The following LDB2 variants were observed in gnomAD, a reference collection of about 807,000 sequenced individuals.
LDB2 encodes LIM domain-binding protein 2.
A neutral mutation model predicts 44.3 loss-of-function variants in LDB2; 12 were observed. The observed-to-expected ratio is 0.27, with a 90% CI of 0.17 to 0.44. The LOEUF (loss-of-function observed/expected upper bound fraction) is 0.44. Ranked by LOEUF, LDB2 falls within the 20% of genes least tolerant of loss-of-function variation. The pLI, the probability that LDB2 is intolerant of heterozygous loss-of-function variation, is 1.00. For missense variants in LDB2, 344 were observed against 473.5 expected, an observed-to-expected ratio of 0.73 and a Z score of 2.54; for synonymous variants, 164 against 174.8, an observed-to-expected ratio of 0.94 and a Z score of 0.49.
chr4:16,799,784 C>T (rs2109729523), intron 1 of LDB2, among the ~76,000 whole-genome samples: 1 of 152,242 alleles, frequency 6.6e-6, no homozygotes, highest in East Asian at 1.9e-4. Context: ...ACAGGATGCT[C>T]AGTTAAATTG....
At chr4:16,623,765 T>TAA (rs778949376) in intron 2 of LDB2, among the ~76,000 whole-genome samples, 1 of 146,806 alleles carries the variant, frequency 6.8e-6, no homozygotes, top group African/African-American at 2.5e-5. Flanking sequence ...GAAATATACA[T>TAA]ACACACACAC....
At chr4:16,534,323 T>G (rs758460747) in intron 5 of LDB2, among the ~76,000 whole-genome samples, 1 of 152,218 alleles carries the variant, frequency 6.6e-6, no homozygotes, top group Non-Finnish European at 1.5e-5. Context: ...GATACTTTTA[T>G]GTTGATGAAC....
intron 1 of LDB2, among the ~76,000 whole-genome samples, chr4:16,858,133 T>C (rs1403565786): frequency 6.6e-6 from 1 of 152,156 alleles, no homozygotes; most frequent in Non-Finnish European, 1.5e-5. Context: ...CTCACACAAT[T>C]CTAGTAACAA....
chr4:16,579,710 C>T (rs904695974), intron 5 of LDB2, among the ~76,000 whole-genome samples: 5 of 152,032 alleles, frequency 3.3e-5, no homozygotes, highest in Non-Finnish European at 7.4e-5. Flanking sequence ...ATGTTTTTTT[C>T]TAGATGCTGT....
At chr4:16,731,363 G>T (rs1045805574) in intron 2 of LDB2, among the ~76,000 whole-genome samples, 10 of 152,146 alleles carry the variant, frequency 6.6e-5, no homozygotes, top group Admixed American at 1.3e-4. Context: ...GTATGTTGAA[G>T]CTCCAACCCT....
At chr4:16,897,794 T>C (rs1325371973) in intron 1 of LDB2, among the ~76,000 whole-genome samples, 7 of 151,502 alleles carry the variant, frequency 4.6e-5, no homozygotes, top group Non-Finnish European at 1.0e-4. Context: ...TTCTGAGAAG[T>C]AGGCAGGTTT....
intron 2 of LDB2, among the ~76,000 whole-genome samples, chr4:16,642,411 A>G (rs1414965285): frequency 6.6e-6 from 1 of 152,212 alleles, no homozygotes; most frequent in Non-Finnish European, 1.5e-5. Flanking sequence ...AACAGGAAAT[A>G]CCCATAAAAA....
chr4:16,873,163 G>A (rs1477835179), intron 1 of LDB2, among the ~76,000 whole-genome samples: 1 of 152,198 alleles, frequency 6.6e-6, no homozygotes, highest in Non-Finnish European at 1.5e-5. Context: ...TTAGCAATGA[G>A]AAGACCTGGA....
At chr4:16,508,479 T>G in intron 7 of LDB2, 56 bp downstream of exon 7, 1 of 1,384,954 alleles carries the variant, frequency 7.2e-7, no homozygotes, top group Non-Finnish European at 9.5e-7. Flanking sequence ...ATTTGGGCCC[T>G]TTGAGTAGGA....
At chr4:16,731,513 T>C (rs1760754846) in intron 2 of LDB2, among the ~76,000 whole-genome samples, 2 of 152,018 alleles carry the variant, frequency 1.3e-5, no homozygotes, top group Non-Finnish European at 2.9e-5. Context: ...TCTTGCGTTC[T>C]CCCTCTCTCT....
chr4:16,540,360 TG>T (rs1418801446), intron 5 of LDB2, among the ~76,000 whole-genome samples: 3 of 152,198 alleles, frequency 2.0e-5, no homozygotes, highest in Admixed American at 2.0e-4. Flanking sequence ...TGAAAGAGGG[TG>T]GCCAACCTAA....
chr4:16,796,060 G>A (rs1239140746), intron 1 of LDB2, among the ~76,000 whole-genome samples: 1 of 152,124 alleles, frequency 6.6e-6, no homozygotes, highest in African/African-American at 2.4e-5. Flanking sequence ...GGGAGGCTGA[G>A]GTGGGCAGAT....
intron 5 of LDB2, among the ~76,000 whole-genome samples, chr4:16,575,788 A>C (rs1358046943): frequency 6.6e-6 from 1 of 152,256 alleles, no homozygotes; most frequent in African/African-American, 2.4e-5. Flanking sequence ...CCTAGGCTGG[A>C]ATGCAGCGGC....
At chr4:16,862,411 A>T (rs945202677) in intron 1 of LDB2, among the ~76,000 whole-genome samples, 3 of 152,134 alleles carry the variant, frequency 2.0e-5, no homozygotes, top group Admixed American at 1.3e-4. Context: ...AGGCAGGTGG[A>T]TCACCTGTGG....
intron 7 of LDB2, among the ~76,000 whole-genome samples, chr4:16,504,746 G>A (rs967858785): frequency 2.0e-5 from 3 of 152,206 alleles, no homozygotes; most frequent in African/African-American, 4.8e-5. Context: ...GTTTGGGGAT[G>A]TTCAGGATAA....
At chr4:16,716,028 T>A (rs919953655) in intron 2 of LDB2, among the ~76,000 whole-genome samples, 1 of 152,202 alleles carries the variant, frequency 6.6e-6, no homozygotes, top group African/African-American at 2.4e-5. Flanking sequence ...CTTAGGCTTA[T>A]ATGTCCCATT....
intron 2 of LDB2, among the ~76,000 whole-genome samples, chr4:16,614,738 A>C (rs1726728964): frequency 6.6e-6 from 1 of 152,148 alleles, no homozygotes; most frequent in South Asian, 2.1e-4. Flanking sequence ...AATCACAATG[A>C]GATACTATCT....
intron 1 of LDB2, among the ~76,000 whole-genome samples, chr4:16,838,055 T>G (rs1785198403): frequency 6.6e-6 from 1 of 152,214 alleles, no homozygotes; most frequent in South Asian, 2.1e-4. Context: ...AATAAGGCTT[T>G]TGGCAGTCGT....
At chr4:16,791,358 C>T (rs531356917) in intron 1 of LDB2, among the ~76,000 whole-genome samples, 8 of 151,828 alleles carry the variant, frequency 5.3e-5, no homozygotes, top group Non-Finnish European at 1.0e-4. Flanking sequence ...AGTTCGAGAC[C>T]AGCCTGGCCA....
Sources: allele counts gnomAD v4.1 joint callset (sites outside exome capture counted in the v4.1 genomes callset), GRCh38; gene constraint gnomAD v4.1.1; transcripts MANE v1.5; gene names NCBI Gene and HGNC (gene_info 2026-07-23, HGNC 2026-07-21).